PDE1C: variants seen among roughly 807,000 people sequenced by gnomAD.
PDE1C encodes the protein dual specificity calcium/calmodulin-dependent 3',5'-cyclic nucleotide phosphodiesterase 1C.
PDE1C carries 62 observed loss-of-function variants against 93.1 expected under a neutral mutation model. The observed-to-expected ratio is 0.67, with a 90% CI of 0.54 to 0.82. PDE1C has a LOEUF of 0.82. Ranked by LOEUF, PDE1C falls within the 40% of genes least tolerant of loss-of-function variation. The pLI, the probability that PDE1C is intolerant of heterozygous loss-of-function variation, is 0.00. For missense variants in PDE1C, 742 were observed against 884.6 expected (o/e 0.84, Z 2.04); for synonymous variants, 325 against 310.1 (o/e 1.05, Z -0.50).
chr7:32,385,481 G>A (rs1315121070), intron 1 of PDE1C, among the ~76,000 whole-genome samples: 1 of 152,152 alleles, frequency 6.6e-6, no homozygotes, highest in East Asian at 1.9e-4. Flanking sequence ...CACTTCTTGA[G>A]TCTGTCCATT....
intron 1 of PDE1C, among the ~76,000 whole-genome samples, chr7:32,219,674 C>G (rs1197436035): frequency 1.3e-5 from 2 of 152,232 alleles, no homozygotes; most frequent in African/African-American, 4.8e-5. Flanking sequence ...CCATAAGCAT[C>G]AGGCTGCAGG....
intron 2 of PDE1C, among the ~76,000 whole-genome samples, chr7:31,997,504 T>C (rs1784868464): frequency 6.6e-6 from 1 of 152,210 alleles, no homozygotes. Context: ...AAATTGCCAG[T>C]TAGAGGCAAC....
chr7:32,420,124 TACACACACACACACACAC>T (rs1156625491), intron 1 of PDE1C, among the ~76,000 whole-genome samples: 176 of 13,018 alleles, frequency 0.014, 12 homozygotes, highest in Admixed American at 0.021. Flanking sequence ...TATATATATA[TACACACACACACACACAC>T]ACACACACAC....
At chr7:32,175,315 A>G (rs1356566602) in intron 2 of PDE1C, among the ~76,000 whole-genome samples, 1 of 152,232 alleles carries the variant, frequency 6.6e-6, no homozygotes, top group Admixed American at 6.5e-5. Context: ...TGGTTTCCCC[A>G]ATGCATATAA....
rs113437674 is a variant in PDE1C, at chr7:31,803,727, G to A, written c.1891+5304C>T. Among the ~76,000 whole-genome samples the A allele has an allele frequency of 8.9e-3, 1,346 of 151,910 alleles. 7 individuals are homozygous for A. The highest frequency in any genetic ancestry group is 0.034 in the Middle Eastern group (10 of 294). On this transcript the variant is annotated intron_variant, in intron 16 of 17. Transcript: ENST00000396191. ...CCATGTCCCTACAAAGGACATGAAC[G>A]CATCATTTTTTATGGCTGCATAGTA...
At chr7:32,323,767 T>A (rs1441248937) in intron 1 of PDE1C, among the ~76,000 whole-genome samples, 3 of 152,180 alleles carry the variant, frequency 2.0e-5, no homozygotes, top group African/African-American at 7.2e-5. Context: ...GACCTGAGGA[T>A]GAAGCAGAAA....
chr7:32,193,197 G>C (rs974413761), intron 2 of PDE1C, among the ~76,000 whole-genome samples: 1 of 152,112 alleles, frequency 6.6e-6, no homozygotes, highest in Non-Finnish European at 1.5e-5. Context: ...ATGTTGAATA[G>C]GAGTGGTGTA....
chr7:31,838,987 T>G (rs1309535506), intron 9 of PDE1C, among the ~76,000 whole-genome samples: 1 of 148,646 alleles, frequency 6.7e-6, no homozygotes, highest in Admixed American at 6.8e-5. Flanking sequence ...TAGTATATAT[T>G]TCAAATATTT....
chr7:32,165,681 CA>C (rs5883333), intron 3 of PDE1C, among the ~76,000 whole-genome samples: 8,561 of 152,282 alleles, frequency 0.056, 337 homozygotes, highest in South Asian at 0.18. Context: ...TACCTCCCAT[CA>C]GATTCTTCCC....
chr7:32,231,187 T>G (rs1326997020), intron 1 of PDE1C, among the ~76,000 whole-genome samples: 1 of 152,134 alleles, frequency 6.6e-6, no homozygotes, highest in Non-Finnish European at 1.5e-5. Context: ...AAAGAAATTA[T>G]GAAAATCACA....
intron 1 of PDE1C, among the ~76,000 whole-genome samples, chr7:32,344,438 G>T (rs544087490): frequency 3.2e-4 from 49 of 152,296 alleles, no homozygotes; most frequent in African/African-American, 1.2e-3. Flanking sequence ...TATCTAGCCA[G>T]ATTTCCTTTC....
chr7:32,064,687 A>AATATAT (rs57440930), intron 1 of PDE1C, among the ~76,000 whole-genome samples: 5 of 151,940 alleles, frequency 3.3e-5, no homozygotes, highest in Admixed American at 2.6e-4. Flanking sequence ...TGTATCATAA[A>AATATAT]ATATATATAT....
chr7:31,758,307 T>TA (rs113213063), intron 17 of PDE1C, among the ~76,000 whole-genome samples: 2,149 of 80,482 alleles, frequency 0.027, 36 homozygotes, highest in African/African-American at 0.076. Context: ...TAAAAAATGG[T>TA]AAAAAAAATT....
rs554724744 is a variant in PDE1C at position 31,980,913 on chromosome 7, C to T, written c.128+70641G>A. ...TGCCTCTCACTTATAAGCAGCCCTG[C>T]GATGATGGTGGGCCCACCCAGATGA... On this transcript the variant is annotated intron_variant, in intron 2 of 17. Transcript: ENST00000396191. Among the ~76,000 whole-genome samples, 446 of 152,258 alleles carry T rather than the reference C, an allele frequency of 2.9e-3. 2 individuals are homozygous for T. The highest frequency in any genetic ancestry group is 4.6e-3 in the Non-Finnish European group (310 of 67,996).
the PDE1C span, chr7:31,696,909 A>G: frequency 6.4e-7 from 1 of 1,572,772 alleles, no homozygotes; most frequent in Non-Finnish European, 8.7e-7. Context: ...CAGTCCTCAT[A>G]TATTAGGATA....
intron 8 of PDE1C, among the ~76,000 whole-genome samples, chr7:31,848,711 A>C (rs962873158): frequency 3.9e-5 from 6 of 152,310 alleles, no homozygotes. Context: ...TAAGATCTTA[A>C]ATTTAATGAA....
intron 2 of PDE1C, among the ~76,000 whole-genome samples, chr7:31,941,011 T>A (rs147892932): frequency 6.6e-6 from 1 of 151,924 alleles, no homozygotes; most frequent in Non-Finnish European, 1.5e-5. Context: ...TTTCTGCACA[T>A]GACAGATTAA....
intron 1 of PDE1C, among the ~76,000 whole-genome samples, chr7:32,282,663 G>GC (rs371243084): frequency 1 from 146,335 of 146,340 alleles, 73,165 homozygotes; most frequent in Middle Eastern, 1. Flanking sequence ...CTCACTGCAA[G>GC]TCCGCCTCCT....
the PDE1C span, among the ~76,000 whole-genome samples, chr7:31,649,941 A>G: frequency 2.6e-5 from 4 of 152,194 alleles, no homozygotes; most frequent in Non-Finnish European, 4.4e-5. Context: ...GGCATTCTAA[A>G]GAGAGAATAA....
Sources: gnomAD v4.1 joint callset for allele counts (sites outside exome capture counted in the v4.1 genomes callset) on GRCh38, gnomAD v4.1.1 for gene constraint, MANE v1.5 for transcripts, NCBI Gene and HGNC (gene_info 2026-07-23, HGNC 2026-07-21) for gene names.